The following GRIP1 variants were observed in gnomAD, a reference collection of about 807,000 sequenced individuals.
GRIP1 encodes the protein glutamate receptor-interacting protein 1.
GRIP1 carries 45 observed loss-of-function variants against 129.9 expected under a neutral mutation model. The observed-to-expected ratio is 0.35, with a 90% CI of 0.27 to 0.44. GRIP1 has a LOEUF of 0.44. Among genes scored for constraint, GRIP1 ranks in the 20% least tolerant of loss-of-function variants. GRIP1 has a pLI of 1.00. For synonymous variants in GRIP1, 530 were observed against 520.8 expected, an observed-to-expected ratio of 1.02 and a Z score of -0.24; for missense variants, 1,196 against 1,396.8, an observed-to-expected ratio of 0.86 and a Z score of 2.29.
intron 1 of GRIP1, among the ~76,000 whole-genome samples, chr12:66,698,802 T>C (rs1050988534): frequency 1.4e-4 from 21 of 152,206 alleles, no homozygotes; most frequent in Non-Finnish European, 2.8e-4. Context: ...AATGTTACCA[T>C]AACAAACTTG....
intron 1 of GRIP1, among the ~76,000 whole-genome samples, chr12:66,843,186 A>C (rs942191247): frequency 6.6e-6 from 1 of 152,110 alleles, no homozygotes; most frequent in African/African-American, 2.4e-5. Context: ...CTTAAGGATA[A>C]AGAAAACAAT....
At chr12:66,871,273 G>A (rs930303824) in intron 1 of GRIP1, among the ~76,000 whole-genome samples, 3 of 152,028 alleles carry the variant, frequency 2.0e-5, no homozygotes, top group East Asian at 1.9e-4. Context: ...ATGAAAATAC[G>A]TGATAATTGT....
rs144196425 is a variant in GRIP1 at position 66,730,641 on chromosome 12, T to A, written c.-420+73412A>T. On this transcript the variant is annotated intron_variant, in intron 1 of 4. Coordinates refer to the GRIP1 transcript ENST00000538373. ...AACCTAAAATATACTTGCTCTTAAGTACAAGCCCAAAGCCTAAATGGATAC... is the reference window on the plus strand; with the variant it reads ...AACCTAAAATATACTTGCTCTTAAGAACAAGCCCAAAGCCTAAATGGATAC... 5.4e-5 allele frequency among the ~76,000 whole-genome samples: 7 copies of A among 128,754 alleles called. No homozygotes were observed. In the East Asian group the frequency reaches 1.6e-3, roughly 30 times the overall value. The allele number at this position is 128,754 out of a possible 152,430, so 84.5% of individuals were successfully genotyped here.
chr12:66,941,229 C>T (rs928994424), intron 1 of GRIP1, among the ~76,000 whole-genome samples: 5 of 152,024 alleles, frequency 3.3e-5, no homozygotes, highest in Non-Finnish European at 7.4e-5. Context: ...TGCCCAGGGT[C>T]ACACTTCCTA....
At chr12:66,443,186 C>A in intron 13 of GRIP1, among the ~76,000 whole-genome samples, 1 of 152,200 alleles carries the variant, frequency 6.6e-6, no homozygotes, top group East Asian at 1.9e-4. Context: ...TAGTTTGGCT[C>A]CCTGGAGCCC....
At chr12:66,919,705 G>A (rs993421248) in intron 1 of GRIP1, among the ~76,000 whole-genome samples, 1 of 152,126 alleles carries the variant, frequency 6.6e-6, no homozygotes, top group Non-Finnish European at 1.5e-5. Context: ...CCATTCCAAT[G>A]GGAGGGATAA....
intron 1 of GRIP1, among the ~76,000 whole-genome samples, chr12:66,719,871 A>G (rs1274359691): frequency 6.6e-6 from 1 of 152,206 alleles, no homozygotes; most frequent in Non-Finnish European, 1.5e-5. Context: ...ATTCTAATTA[A>G]GTTGGTACAT....
At chr12:66,638,093 GAAC>G (rs1186476867) in intron 1 of GRIP1, among the ~76,000 whole-genome samples, 1 of 152,168 alleles carries the variant, frequency 6.6e-6, no homozygotes, top group Non-Finnish European at 1.5e-5. Context: ...CAATGATCAA[GAAC>G]AACTTTCCCT....
chr12:66,617,085 T>TTGTGTGTGTGTATG (rs1555217384), intron 1 of GRIP1, among the ~76,000 whole-genome samples: 2 of 135,450 alleles, frequency 1.5e-5, no homozygotes, highest in East Asian at 4.4e-4. Context: ...AACAGACGTT[T>TTGTGTGTGTGTATG]TGTGTGTGTG....
chr12:67,033,862 C>T (rs1005075172), intron 1 of GRIP1, among the ~76,000 whole-genome samples: 31 of 152,240 alleles, frequency 2.0e-4, no homozygotes, highest in African/African-American at 7.2e-4. Flanking sequence ...GTGTTCCTGC[C>T]ATCCTAAATG....
At chr12:66,489,929 G>A (rs1196102261) in intron 7 of GRIP1, among the ~76,000 whole-genome samples, 3 of 152,174 alleles carry the variant, frequency 2.0e-5, no homozygotes, top group Non-Finnish European at 4.4e-5. Context: ...TAAGGGAAGT[G>A]AAGGATCTCT....
At chr12:66,834,181 A>AT (rs2039568753) in intron 1 of GRIP1, among the ~76,000 whole-genome samples, 1 of 151,184 alleles carries the variant, frequency 6.6e-6, no homozygotes, top group South Asian at 2.1e-4. Flanking sequence ...TCATCTCAAA[A>AT]AAAAAAAAAA....
chr12:66,428,734 A>T (rs1188519717), intron 14 of GRIP1, among the ~76,000 whole-genome samples: 4 of 152,218 alleles, frequency 2.6e-5, no homozygotes, highest in Non-Finnish European at 4.4e-5. Flanking sequence ...TTTCAGGATT[A>T]AGTAAGAAAA....
In GRIP1 at chr12:66,580,200, C is replaced by G. The variant is rs1342063465; in HGVS notation, c.136+16647G>C. Reference sequence around the variant, plus strand: ...AGAAATAAAATACTTTACAGACAAGCAAATGCTGAGAGATTTTGTCACCAC... The same window carrying G: ...AGAAATAAAATACTTTACAGACAAGGAAATGCTGAGAGATTTTGTCACCAC... On this transcript the variant is annotated intron_variant, in intron 2 of 24. Transcript: ENST00000359742. Among the ~76,000 whole-genome samples, 98 of 148,720 alleles carry G rather than the reference C, an allele frequency of 6.6e-4. 1 individual carries two copies. The highest frequency in any genetic ancestry group is 2.2e-3 in the African/African-American group (89 of 40,396).
At chr12:67,069,332 C>T (rs1256515431), upstream of GRIP1, among the ~76,000 whole-genome samples, 11 of 136,346 alleles carry the variant, frequency 8.1e-5, no homozygotes, top group Non-Finnish European at 1.6e-4. Context: ...GCGGCGGCGG[C>T]CGGGCCGGGC....
chr12:66,956,096 A>G (rs1322146358), intron 1 of GRIP1, among the ~76,000 whole-genome samples: 3 of 152,216 alleles, frequency 2.0e-5, no homozygotes, highest in Non-Finnish European at 4.4e-5. Flanking sequence ...AGAAATTAAT[A>G]TTGCTATAAT....
intron 1 of GRIP1, among the ~76,000 whole-genome samples, chr12:66,840,724 AAG>A (rs2039700842): frequency 6.6e-6 from 1 of 152,170 alleles, no homozygotes; most frequent in South Asian, 2.1e-4. Context: ...TTGATAGAAC[AAG>A]AGTCCCCAAA....
At chr12:66,910,726 G>A (rs553489867) in intron 1 of GRIP1, among the ~76,000 whole-genome samples, 34 of 152,104 alleles carry the variant, frequency 2.2e-4, no homozygotes, top group South Asian at 2.1e-3. Flanking sequence ...AAATCAAAAC[G>A]CAAATCAAAA....
intron 1 of GRIP1, among the ~76,000 whole-genome samples, chr12:67,007,596 T>C (rs1251602359): frequency 2.0e-5 from 3 of 152,168 alleles, no homozygotes; most frequent in Non-Finnish European, 4.4e-5. Flanking sequence ...TTAATAAATA[T>C]ACAATGTCTA....
Sources: gnomAD v4.1 joint callset for allele counts (sites outside exome capture counted in the v4.1 genomes callset) on GRCh38, gnomAD v4.1.1 for gene constraint, MANE v1.5 for transcripts, NCBI Gene and HGNC (gene_info 2026-07-23, HGNC 2026-07-21) for gene names.